The following SGTA variants were observed in gnomAD, a reference collection of about 807,000 sequenced individuals.
SGTA encodes small glutamine-rich tetratricopeptide repeat-containing protein alpha.
Under a neutral mutation model 44.3 loss-of-function variants are expected in SGTA, and 22 were observed. That is an observed-to-expected ratio of 0.50 (90% confidence interval 0.36 to 0.71). The LOEUF is 0.71. Ranked by LOEUF, SGTA falls within the 30% of genes least tolerant of loss-of-function variation. The pLI is 0.00. For missense variants in SGTA, 341 were observed against 435.9 expected, an observed-to-expected ratio of 0.78 and a Z score of 1.94; for synonymous variants, 174 against 177.6, an observed-to-expected ratio of 0.98 and a Z score of 0.16.
At position 2,763,556 on chromosome 19, in the gene SGTA, T is replaced by C; in HGVS notation, c.497+97A>G. On this transcript the variant is annotated intron_variant, in intron 6 of 11. Transcript: ENST00000221566. This position sits in a 1 kb window ranked among gnomAD's most constrained non-coding sequence, Gnocchi z 5.8. ...AACTGAACCGGGGTGGGAGAATTCG[T>C]TGTGGGTGGGAAAAAAGCCACACAA... The C allele has an allele frequency of 7.4e-6, 6 of 806,420 alleles. No individual in the cohort carries two copies. The highest frequency in any genetic ancestry group is 2.7e-5 in the East Asian group (1 of 36,752). The allele number at this position is 806,420 out of a possible 1,614,324, so 50.0% of individuals were successfully genotyped here. A position where few individuals can be genotyped will look rare whatever the true frequency, so the allele number is the denominator to read the frequency against.
At position 2,767,243 on chromosome 19, in the gene SGTA, C is replaced by T. The variant is rs1412659083; in HGVS notation, c.208-23G>A. The T allele has an allele frequency of 3.2e-6, 5 of 1,576,398 alleles. No individual in the cohort carries two copies. Among genetic ancestry groups the T allele is most frequent in the African/African-American group, 1.3e-5 (1 of 74,320 alleles). On this transcript the variant is annotated intron_variant, in intron 3 of 11. Transcript: ENST00000221566. This position sits in a 1 kb window ranked among gnomAD's most constrained non-coding sequence, Gnocchi z 7.3. ...CTCCTGGACCCGGAGGCAAAGGCGG[C>T]CCGCTGTCCTCTCCTCCCAACCTGG... is the stretch of plus-strand genomic sequence containing the variant.
At chr19:2,776,495 T>C (rs961273928) in intron 1 of SGTA, among the ~76,000 whole-genome samples, 3 of 152,126 alleles carry the variant, frequency 2.0e-5, no homozygotes, top group Admixed American at 6.5e-5. Context: ...CCTAGAGTCG[T>C]TGGATTCACA....
At chr19:2,774,762 G>T (rs1915405290) in intron 1 of SGTA, among the ~76,000 whole-genome samples, 1 of 152,196 alleles carries the variant, frequency 6.6e-6, no homozygotes, top group Admixed American at 6.5e-5. Flanking sequence ...GATCACAGGT[G>T]TGAGCCACCA....
intron 1 of SGTA, among the ~76,000 whole-genome samples, chr19:2,779,397 C>T (rs1300394723): frequency 1.3e-5 from 2 of 152,168 alleles, no homozygotes; most frequent in East Asian, 3.9e-4. Flanking sequence ...CTCAAATCTG[C>T]TTCAACAGCC....
chr19:2,764,226 T>G (rs1915078947), intron 5 of SGTA, among the ~76,000 whole-genome samples: 1 of 152,188 alleles, frequency 6.6e-6, no homozygotes, highest in Admixed American at 6.5e-5. Context: ...GAGACTAAAC[T>G]ACCCCATGAC....
At position 2,755,630 on chromosome 19, in the gene SGTA, C is replaced by T. The variant is rs780699214; in HGVS notation, c.*310G>A. 6.4e-5 allele frequency: 63 copies of T among 985,372 alleles called. No individual in the cohort carries two copies. In the Admixed American group the frequency reaches 1.2e-3, roughly 19 times the overall value. The allele number at this position is 985,372 out of a possible 1,614,324, so 61.0% of individuals were successfully genotyped here. ...ACCTGCCACTTCTCTGAGAGCGGCC[C>T]GGGAGCACCCCAGGATTCTAGAAAA... On this transcript the variant is annotated 3_prime_UTR_variant, in exon 12 of 12. Coordinates refer to ENST00000221566, the MANE Select transcript of SGTA (RefSeq NM_003021.4). This position sits in a 1 kb window ranked among gnomAD's most constrained non-coding sequence, Gnocchi z 5.2.
At position 2,755,538 on chromosome 19, in the gene SGTA, G is replaced by A. The variant is rs1020324344; in HGVS notation, c.*402C>T. On this transcript the variant is annotated 3_prime_UTR_variant, in exon 12 of 12. Coordinates refer to ENST00000221566, the MANE Select transcript of SGTA (RefSeq NM_003021.4). This position sits in a 1 kb window ranked among gnomAD's most constrained non-coding sequence, Gnocchi z 5.2. The stretch of plus-strand genomic sequence containing the variant: ...GGGAGAGTTCCTGCAGACAGACCAC[G>A]GGATGGGGGGCGGGGGCTGTAAAAG... The A allele has an allele frequency of 1.2e-5, 12 of 986,252 alleles. No individual in the cohort carries two copies. The highest frequency in any genetic ancestry group is 6.1e-5 in the Admixed American group (1 of 16,280). The allele number at this position is 986,252 out of a possible 1,614,324, so 61.1% of individuals were successfully genotyped here. A position where few individuals can be genotyped will look rare whatever the true frequency, so the allele number is the denominator to read the frequency against.
intron 11 of SGTA, among the ~76,000 whole-genome samples, chr19:2,756,453 C>CA (rs778897952): frequency 0.073 from 5,348 of 73,470 alleles, 115 homozygotes; most frequent in Middle Eastern, 0.096. Flanking sequence ...AGGACGGTCT[C>CA]AAAAAAAAAA....
intron 1 of SGTA, among the ~76,000 whole-genome samples, chr19:2,775,661 C>T (rs988306546): frequency 6.6e-6 from 1 of 152,140 alleles, no homozygotes; most frequent in Non-Finnish European, 1.5e-5. Flanking sequence ...GAAGGAGACG[C>T]GTGGGTGCCG....
chr19:2,769,858 GAC>G (rs1168571632), intron 1 of SGTA, among the ~76,000 whole-genome samples: 1 of 110,202 alleles, frequency 9.1e-6, no homozygotes, highest in Non-Finnish European at 1.8e-5. Context: ...TCCCCCAGCG[GAC>G]ACCAGCCTGG....
At chr19:2,780,135 G>A (rs1915538026) in intron 1 of SGTA, among the ~76,000 whole-genome samples, 1 of 152,080 alleles carries the variant, frequency 6.6e-6, no homozygotes, top group Non-Finnish European at 1.5e-5. Context: ...TTATTTCCCT[G>A]CCCAGAAGGG....
rs1341212414 is a variant in SGTA at position 2,761,570 on chromosome 19, C to T, written c.637-48G>A. On this transcript the variant is annotated intron_variant, in intron 7 of 11. Transcript: ENST00000221566. The surrounding 1 kb of genome is among the most constrained non-coding windows in gnomAD (Gnocchi z 5.7). ...TTAGTGGGGCCTGGACCAGAGGCCA[C>T]GGTGAATAACCCCCTGGAACTCAGA... is the stretch of plus-strand genomic sequence containing the variant. 9.1e-6 allele frequency: 13 copies of T among 1,431,558 alleles called. No homozygotes were observed. The highest frequency in any genetic ancestry group is 7.4e-5 in the East Asian group (3 of 40,344). The allele number at this position is 1,431,558 out of a possible 1,614,324, so 88.7% of individuals were successfully genotyped here. A position where few individuals can be genotyped will look rare whatever the true frequency, so the allele number is the denominator to read the frequency against.
rs199688195 is a variant in SGTA at position 2,767,595 on chromosome 19, C to T, written c.192G>A (p.Ala64=). The change falls in exon 3 of 12, where the codon GCG becomes GCA. Residue 64 remains alanine, a synonymous_variant. Coordinates refer to ENST00000221566, the MANE Select transcript of SGTA (RefSeq NM_003021.4). The surrounding 1 kb of genome is among the most constrained non-coding windows in gnomAD (Gnocchi z 7.3). Reference sequence around the variant, plus strand: ...CGAGGCTCACCTTGCCCGTGGCAGCCGCTTCAAATATCTCCGGCAGAGTCT... The same window carrying T: ...CGAGGCTCACCTTGCCCGTGGCAGCTGCTTCAAATATCTCCGGCAGAGTCT... ...LPQTLPEIFE[A]AATGKEMPQD... is the part of the protein sequence containing the mutation. 66 of 1,613,242 alleles carry T rather than the reference C, an allele frequency of 4.1e-5. No individual in the cohort carries two copies. The South Asian group carries it at 4.7e-4, about 12-fold the overall frequency.
In SGTA at chr19:2,774,517, T is replaced by C. The variant is rs553974006; in HGVS notation, c.-23-5426A>G. Among the ~76,000 whole-genome samples, 207 of 152,290 alleles carry C rather than the reference T, an allele frequency of 1.4e-3. 2 individuals are homozygous for C. Among genetic ancestry groups the C allele is most frequent in the African/African-American group, 4.5e-3 (186 of 41,556 alleles). On this transcript the variant is annotated intron_variant, in intron 1 of 11. Coordinates refer to ENST00000221566, the MANE Select transcript of SGTA (RefSeq NM_003021.4). ...TAACTTTAAGTGCACAGATGTCTAA[T>C]GGCCCGAGACACGTAGGTTAACACC... is the stretch of plus-strand genomic sequence containing the variant.
chr19:2,776,791 C>A (rs373495759), intron 1 of SGTA, among the ~76,000 whole-genome samples: 4 of 151,574 alleles, frequency 2.6e-5, no homozygotes, highest in East Asian at 3.9e-4. Context: ...GAAACCCCAT[C>A]TCTACTAAAA....
Position 2,761,024 on chromosome 19 carries a change from T to TGCGCCCGGC in SGTA, c.699+427_699+435dup, listed in dbSNP as rs778766729. On this transcript the variant is annotated intron_variant, in intron 8 of 11. Coordinates refer to ENST00000221566, the MANE Select transcript of SGTA (RefSeq NM_003021.4). This position sits in a 1 kb window ranked among gnomAD's most constrained non-coding sequence, Gnocchi z 5.7. ...GTGCCCGGGCATCGGGAGGTCCACC[T>TGCGCCCGGC]GCGCCCGGCGCACCCGGCGCTCTGC... Among the ~76,000 whole-genome samples the TGCGCCCGGC allele has an allele frequency of 4.5e-4, 69 of 152,356 alleles. No homozygotes were observed. Among genetic ancestry groups the TGCGCCCGGC allele is most frequent in the Non-Finnish European group, 7.5e-4 (51 of 68,036 alleles).
At chr19:2,775,391 C>T (rs112520743) in intron 1 of SGTA, among the ~76,000 whole-genome samples, 13 of 152,342 alleles carry the variant, frequency 8.5e-5, no homozygotes, top group Admixed American at 5.9e-4. Flanking sequence ...GGCATTGGCC[C>T]GCCACGCTTT....
chr19:2,769,423 G>A (rs1599503411), intron 1 of SGTA, among the ~76,000 whole-genome samples: 1 of 152,260 alleles, frequency 6.6e-6, no homozygotes. Flanking sequence ...CCTGCTTCTG[G>A]CATGAGGTGG....
rs1915065315 is a variant in SGTA at position 2,763,680 on chromosome 19, G to C, written c.470C>G (p.Ala157Gly). Residue 157 changes from alanine to glycine, a missense_variant, in exon 6 of 12, where the codon GCC (alanine) becomes GGC (glycine). Physicochemically the swap from Ala to Gly is moderately conservative, Grantham distance 60 (BLOSUM62 0). Transcript: ENST00000221566. The surrounding 1 kb of genome is among the most constrained non-coding windows in gnomAD (Gnocchi z 5.8). ...DCERAICIDP[A>G]YSKAYGRMGL... ...CATCCTGCCGTAGGCCTTGCTGTAG[G>C]CCGGGTCAATGCAGATGGCCCGCTC... 1 of 1,613,564 alleles carries C rather than the reference G, an allele frequency of 6.2e-7. No individual in the cohort carries two copies. Among genetic ancestry groups the C allele is most frequent in the Middle Eastern group, 1.7e-4 (1 of 6,016 alleles).
Sources: gnomAD v4.1 joint callset for allele counts (sites outside exome capture counted in the v4.1 genomes callset) on GRCh38, gnomAD v4.1.1 for gene constraint, Gnocchi (gnomAD v3.1) non-coding constraint, MANE v1.5 for transcripts, NCBI Gene and HGNC (gene_info 2026-07-23, HGNC 2026-07-21) for gene names.